Variants in DOCK1 observed in about 807,000 individuals in gnomAD.
The protein encoded by DOCK1 is dedicator of cytokinesis protein 1.
DOCK1 carries 138 observed loss-of-function variants against 262.7 expected under a neutral mutation model. That is an observed-to-expected ratio of 0.53 (90% CI 0.46 to 0.61). The LOEUF (loss-of-function observed/expected upper bound fraction) is 0.61, where lower values mean the gene tolerates loss of function less well. Ranked by LOEUF, DOCK1 falls within the 20% of genes least tolerant of loss-of-function variation. The probability of loss-of-function intolerance (pLI) is 0.00; values close to 1 mark genes in which losing one functional copy is unlikely to be tolerated. For synonymous variants in DOCK1, 866 were observed against 867.4 expected, an observed-to-expected ratio of 1.00 and a Z score of 0.03; for missense variants, 1,908 against 2,370.7, an observed-to-expected ratio of 0.80 and a Z score of 4.05.
chr10:127,275,892 G>C (rs1043811356), intron 29 of DOCK1, among the ~76,000 whole-genome samples: 1 of 152,216 alleles, frequency 6.6e-6, no homozygotes, highest in African/African-American at 2.4e-5. Flanking sequence ...TCTCTGTGAT[G>C]GCCATATTAA....
At chr10:127,020,334 A>G (rs1038569719) in intron 13 of DOCK1, among the ~76,000 whole-genome samples, 2 of 152,150 alleles carry the variant, frequency 1.3e-5, no homozygotes, top group African/African-American at 2.4e-5. Context: ...CTCATGTTCA[A>G]AGGGAAACTC....
chr10:127,077,237 A>G (rs1395209382), intron 23 of DOCK1, among the ~76,000 whole-genome samples: 1 of 151,998 alleles, frequency 6.6e-6, no homozygotes, highest in Admixed American at 6.6e-5. Context: ...TCTACTAAAT[A>G]TACAAAAATT....
chr10:127,175,548 G>T lies in DOCK1; in HGVS notation c.2847+47784G>T. 6.2e-7 allele frequency: 1 copy of T among 1,611,260 alleles called. No individual in the cohort carries two copies. The highest frequency in any genetic ancestry group is 8.5e-7 in the Non-Finnish European group (1 of 1,179,990). On this transcript the variant is annotated intron_variant, in intron 27 of 51. Coordinates refer to ENST00000623213, the MANE Select transcript of DOCK1 (RefSeq NM_001290223.2). This position sits in a 1 kb window ranked among gnomAD's most constrained non-coding sequence, Gnocchi z 6.3. ...GGCTCTCCTCCGCTCGTCATCTGCC[G>T]GGCAGAGTGACCACTGGCTGGCGGC...
intron 27 of DOCK1, among the ~76,000 whole-genome samples, chr10:127,194,609 G>C (rs1393577517): frequency 9.8e-5 from 15 of 152,296 alleles, no homozygotes; most frequent in Middle Eastern, 3.4e-3. Context: ...GAATGGCCCG[G>C]GTCTTGTGAG....
At chr10:126,971,906 T>C (rs2038134485) in intron 2 of DOCK1, among the ~76,000 whole-genome samples, 2 of 152,016 alleles carry the variant, frequency 1.3e-5, no homozygotes, top group African/African-American at 4.8e-5. Context: ...TGCCGTCCAA[T>C]GAAGCAATAT....
At chr10:127,268,146 C>T (rs1232588218) in intron 29 of DOCK1, among the ~76,000 whole-genome samples, 1 of 152,144 alleles carries the variant, frequency 6.6e-6, no homozygotes, top group Non-Finnish European at 1.5e-5. Context: ...GTCATTTCAT[C>T]CATAATGTCA....
At chr10:127,382,926 G>A (rs1470204040) in intron 37 of DOCK1, among the ~76,000 whole-genome samples, 1 of 152,198 alleles carries the variant, frequency 6.6e-6, no homozygotes, top group African/African-American at 2.4e-5. Flanking sequence ...TTGCATTGCT[G>A]TTTCCCCTGG....
chr10:127,257,555 C>A, intron 29 of DOCK1, 126 bp downstream of exon 29: 1 of 812,698 alleles, frequency 1.2e-6, no homozygotes, highest in Middle Eastern at 2.3e-4. Context: ...GTTCCTAATT[C>A]TGTGCTGCAG....
intron 27 of DOCK1, among the ~76,000 whole-genome samples, chr10:127,155,896 T>A (rs2052997065): frequency 6.6e-6 from 1 of 152,188 alleles, no homozygotes; most frequent in African/African-American, 2.4e-5. Context: ...CTGAATGTGT[T>A]GTTAAACTGT....
intron 29 of DOCK1, among the ~76,000 whole-genome samples, chr10:127,261,190 C>CA (rs1170887592): frequency 8.5e-5 from 5 of 58,932 alleles, no homozygotes; most frequent in Non-Finnish European, 1.6e-4. Flanking sequence ...TGTGTGCATG[C>CA]GGGTGTGTGT....
At chr10:126,919,361 T>C (rs984729923) in intron 1 of DOCK1, among the ~76,000 whole-genome samples, 70 of 152,254 alleles carry the variant, frequency 4.6e-4, no homozygotes, top group African/African-American at 1.5e-3. Flanking sequence ...TTCTAATTGC[T>C]GTGCTTCTAT....
At chr10:127,023,970 G>A (rs556029250) in intron 14 of DOCK1, among the ~76,000 whole-genome samples, 7 of 152,184 alleles carry the variant, frequency 4.6e-5, no homozygotes, top group African/African-American at 1.7e-4. Flanking sequence ...CTCTGACCTC[G>A]TGCTCTACCT....
chr10:127,168,615 G>C (rs1310894835), intron 27 of DOCK1, among the ~76,000 whole-genome samples: 1 of 152,222 alleles, frequency 6.6e-6, no homozygotes. Flanking sequence ...AGCTAACCAG[G>C]TGGAAGACTT....
intron 27 of DOCK1, among the ~76,000 whole-genome samples, chr10:127,198,253 C>G (rs932315268): frequency 6.6e-6 from 1 of 152,238 alleles, no homozygotes; most frequent in Admixed American, 6.5e-5. Context: ...CCAGCATGTT[C>G]CCTTGGGGAT....
intron 46 of DOCK1, among the ~76,000 whole-genome samples, chr10:127,424,861 C>T (rs1401933980): frequency 6.6e-6 from 1 of 152,170 alleles, no homozygotes; most frequent in Non-Finnish European, 1.5e-5. Flanking sequence ...AGCCTCCAAG[C>T]AGGCTAGGAG....
At chr10:127,444,009 A>T in intron 49 of DOCK1, 117 bp from the exon 50 acceptor site, 2 of 1,338,582 alleles carry the variant, frequency 1.5e-6, no homozygotes, top group East Asian at 2.6e-5. Context: ...CCCTATTTCC[A>T]GTTAAGGTCA....
At chr10:126,938,719 C>T (rs2034723452) in intron 1 of DOCK1, among the ~76,000 whole-genome samples, 2 of 151,298 alleles carry the variant, frequency 1.3e-5, no homozygotes, top group Non-Finnish European at 3.0e-5. Context: ...TCCAAAATGG[C>T]ACCTTGCTGC....
At chr10:127,017,558 CAT>C (rs1491257220) in intron 12 of DOCK1, among the ~76,000 whole-genome samples, 4 of 148,854 alleles carry the variant, frequency 2.7e-5, no homozygotes, top group Admixed American at 1.3e-4. Context: ...CACACACACA[CAT>C]GCACAGATAC....
intron 10 of DOCK1, chr10:127,001,646 TA>T (rs1193676118): frequency 6.6e-6 from 1 of 152,360 alleles, no homozygotes; most frequent in Admixed American, 6.5e-5. Context: ...ATCATTTAAA[TA>T]AATGACTTAC....
Sources: allele counts gnomAD v4.1 joint callset (sites outside exome capture counted in the v4.1 genomes callset), GRCh38; gene constraint gnomAD v4.1.1; non-coding constraint Gnocchi (gnomAD v3.1); transcripts MANE v1.5; gene names NCBI Gene and HGNC (gene_info 2026-07-23, HGNC 2026-07-21).